The following XPO5 variants were observed in gnomAD, a reference collection of about 807,000 sequenced individuals.
XPO5 encodes exportin 5, also known as exportin-5.
Under a neutral mutation model 160.6 loss-of-function variants are expected in XPO5, and 46 were observed. The observed-to-expected ratio is 0.29, with a 90% CI of 0.23 to 0.37. The LOEUF (loss-of-function observed/expected upper bound fraction) is 0.37. Ranked by LOEUF, XPO5 falls within the 10% of genes least tolerant of loss-of-function variation. XPO5 has a pLI of 1.00. For synonymous variants in XPO5, 537 were observed against 519.3 expected (o/e 1.03, Z -0.46); for missense variants, 1,090 against 1,463.9 (o/e 0.74, Z 4.17).
At chr6:43,562,869 C>T (rs1302105004) in intron 8 of XPO5, among the ~76,000 whole-genome samples, 1 of 152,116 alleles carries the variant, frequency 6.6e-6, no homozygotes, top group Non-Finnish European at 1.5e-5. Flanking sequence ...ACCCAAAAAA[C>T]GTTATTCATT....
chr6:43,557,915 G>A (rs1437927002), intron 12 of XPO5, among the ~76,000 whole-genome samples: 3 of 151,654 alleles, frequency 2.0e-5, no homozygotes, highest in Admixed American at 2.0e-4. Flanking sequence ...GACCAACATG[G>A]AGAAACCCCA....
At chr6:43,542,888 T>C (rs1208520447) in intron 20 of XPO5, among the ~76,000 whole-genome samples, 1 of 152,174 alleles carries the variant, frequency 6.6e-6, no homozygotes, top group African/African-American at 2.4e-5. Context: ...AGAAATTATA[T>C]ATATATGTTC....
chr6:43,542,335 G>A (rs767377973), intron 20 of XPO5, among the ~76,000 whole-genome samples: 7 of 152,066 alleles, frequency 4.6e-5, no homozygotes, highest in Non-Finnish European at 7.4e-5. Flanking sequence ...ATTATTTGAC[G>A]CAGGAGGTGC....
chr6:43,565,338 A>AG (rs1282834291), intron 8 of XPO5, among the ~76,000 whole-genome samples: 3 of 152,086 alleles, frequency 2.0e-5, no homozygotes, highest in African/African-American at 7.2e-5. Flanking sequence ...AGGCTGAGGC[A>AG]GGTAGACCAC....
chr6:43,535,683 G>A (rs977061180), intron 20 of XPO5, among the ~76,000 whole-genome samples: 6 of 151,698 alleles, frequency 4.0e-5, no homozygotes, highest in Non-Finnish European at 8.8e-5. Flanking sequence ...ACATGGTGGC[G>A]GGCGCCTGTA....
At chr6:43,560,420 A>C in intron 10 of XPO5, 117 bp from the exon 11 acceptor site, 1 of 1,289,934 alleles carries the variant, frequency 7.8e-7, no homozygotes, top group Non-Finnish European at 1.0e-6. Context: ...AATACTTTGA[A>C]GCTGTCTCTA....
At chr6:43,563,187 C>T (rs1762500051) in intron 8 of XPO5, among the ~76,000 whole-genome samples, 1 of 152,054 alleles carries the variant, frequency 6.6e-6, no homozygotes, top group Non-Finnish European at 1.5e-5. Flanking sequence ...TACAGTGGCT[C>T]AAATATGGCT....
rs35132470 is a variant in XPO5 at position 43,573,827 on chromosome 6, T to A, written c.106-226A>T. Among the ~76,000 whole-genome samples the A allele has an allele frequency of 0.033, 3,674 of 112,442 alleles. 56 individuals are homozygous for A. The highest frequency in any genetic ancestry group is 0.054 in the African/African-American group (1,170 of 21,726). The allele number at this position is 112,442 out of a possible 152,430, so 73.8% of individuals were successfully genotyped here. ...TAAATATATATATATATATATATTTTTTTTTTTTTTTTTTGAGACGGAGTC... is the reference window on the plus strand; with the variant it reads ...TAAATATATATATATATATATATTTATTTTTTTTTTTTTTGAGACGGAGTC... On this transcript the variant is annotated intron_variant, in intron 1 of 31. Transcript: ENST00000265351.
At chr6:43,563,478 A>T (rs575257209) in intron 8 of XPO5, among the ~76,000 whole-genome samples, 80 of 152,208 alleles carry the variant, frequency 5.3e-4, no homozygotes, top group Non-Finnish European at 9.1e-4. Flanking sequence ...AGTACATGGA[A>T]GCCCTTACAG....
chr6:43,571,021 G>C (rs373651280), intron 3 of XPO5, 27 bp from the exon 4 acceptor site: 2 of 1,598,394 alleles, frequency 1.3e-6, no homozygotes, highest in Non-Finnish European at 1.7e-6. Flanking sequence ...GATATTAAGA[G>C]ATATGCAAGA....
chr6:43,557,820 C>T (rs932887950), intron 12 of XPO5, among the ~76,000 whole-genome samples: 2 of 145,034 alleles, frequency 1.4e-5, no homozygotes, highest in East Asian at 2.0e-4. Context: ...GGAGGCTGGG[C>T]GCGGTGGTTC....
intron 2 of XPO5, among the ~76,000 whole-genome samples, chr6:43,572,891 G>T (rs1763082973): frequency 6.6e-6 from 1 of 152,200 alleles, no homozygotes; most frequent in Admixed American, 6.5e-5. Context: ...TAGGTCAACT[G>T]CAACAATGTA....
chr6:43,543,926 C>A (rs976206636), intron 20 of XPO5, among the ~76,000 whole-genome samples: 3 of 152,180 alleles, frequency 2.0e-5, no homozygotes, highest in Non-Finnish European at 4.4e-5. Context: ...ATCCATGCGC[C>A]TTGGCCTCTC....
intron 26 of XPO5, 63 bp from the exon 27 acceptor site, chr6:43,526,810 C>T: frequency 6.5e-7 from 1 of 1,544,732 alleles, no homozygotes; most frequent in Non-Finnish European, 8.8e-7. Context: ...ACAGCCACCT[C>T]AGGCCCACTG....
At chr6:43,526,802 A>G in intron 26 of XPO5, 55 bp from the exon 27 acceptor site, 2 of 1,572,094 alleles carry the variant, frequency 1.3e-6, no homozygotes, top group African/African-American at 2.7e-5. Flanking sequence ...CTACCACAAC[A>G]GCCACCTCAG....
rs113377175 is a variant in XPO5 at position 43,570,298 on chromosome 6, C to T, written c.621+204G>A. On this transcript the variant is annotated intron_variant, in intron 5 of 31. Coordinates refer to ENST00000265351, the MANE Select transcript of XPO5 (RefSeq NM_020750.3). ...CTGCACTCCAGCCTAGGTGACAGAG[C>T]GAGCCTCCGTCTCAAAAAAAAAAAA... Among the ~76,000 whole-genome samples the T allele has an allele frequency of 0.021, 2,497 of 118,698 alleles. 27 individuals carry two copies. Among genetic ancestry groups the T allele is most frequent in the South Asian group, 0.041 (158 of 3,836 alleles). 77.9% of individuals were successfully genotyped at this position (118,698 alleles called of 152,430 possible). A position where few individuals can be genotyped will look rare whatever the true frequency, so the allele number is the denominator to read the frequency against.
chr6:43,553,880 C>T (rs528982201), intron 13 of XPO5, among the ~76,000 whole-genome samples: 1 of 152,128 alleles, frequency 6.6e-6, no homozygotes, highest in Admixed American at 6.6e-5. Flanking sequence ...CCCTCCTCCC[C>T]CTTTATAATC....
At chr6:43,525,478 AG>A in intron 28 of XPO5, 1 of 514,426 alleles carries the variant, frequency 1.9e-6, no homozygotes. Flanking sequence ...GAAAAATAAA[AG>A]GAGTTTACTT....
intron 28 of XPO5, 47 bp downstream of exon 28, chr6:43,525,792 C>A (rs747221551): frequency 6.3e-7 from 1 of 1,593,436 alleles, no homozygotes; most frequent in Non-Finnish European, 8.6e-7. Context: ...AAAGGTGACT[C>A]CCCACCTGGG....
Sources: gnomAD v4.1 joint callset for allele counts (sites outside exome capture counted in the v4.1 genomes callset) on GRCh38, gnomAD v4.1.1 for gene constraint, MANE v1.5 for transcripts, NCBI Gene and HGNC (gene_info 2026-07-23, HGNC 2026-07-21) for gene names.